Variants in ENTREP1 observed in about 807,000 individuals in gnomAD.
ENTREP1 encodes Friedreich ataxia region gene X123.
At chr9:69,324,851 G>C in the ENTREP1 span, 1 of 985,050 alleles carries the variant, frequency 1.0e-6, no homozygotes, top group Non-Finnish European at 1.2e-6. Flanking sequence ...TCTAGCCCCA[G>C]CTCGGCGGGT....
At chr9:69,336,170 G>A in the ENTREP1 span, 2 of 1,027,074 alleles carry the variant, frequency 1.9e-6, no homozygotes, top group East Asian at 5.1e-5. Context: ...TTGTTTATTG[G>A]AATTGGTCCA....
At chr9:69,365,711 A>G in the ENTREP1 span, among the ~76,000 whole-genome samples, 1 of 126,864 alleles carries the variant, frequency 7.9e-6, no homozygotes, top group Non-Finnish European at 1.7e-5. Flanking sequence ...TCTGGTTACT[A>G]TAATTCTACT....
chr9:69,353,170 C>T, the ENTREP1 span, among the ~76,000 whole-genome samples: 2 of 152,164 alleles, frequency 1.3e-5, no homozygotes, highest in African/African-American at 2.4e-5. Flanking sequence ...GATAACACTG[C>T]ACCGGGACTC....
At chr9:69,354,283 G>C in the ENTREP1 span, among the ~76,000 whole-genome samples, 2 of 111,200 alleles carry the variant, frequency 1.8e-5, no homozygotes, top group East Asian at 2.6e-4. Flanking sequence ...TTGAGACAGA[G>C]TCTTGCTCTG....
At chr9:69,385,610 T>C in the ENTREP1 span, among the ~76,000 whole-genome samples, 1 of 152,158 alleles carries the variant, frequency 6.6e-6, no homozygotes, top group Non-Finnish European at 1.5e-5. Context: ...GAAAGGCAAG[T>C]TTTCCTGTAG....
the ENTREP1 span, chr9:69,379,776 A>T: frequency 6.6e-6 from 1 of 152,228 alleles, no homozygotes; most frequent in Non-Finnish European, 1.5e-5. Flanking sequence ...CAGCAGACAG[A>T]TTTAGTTTCT....
At chr9:69,362,713 G>A in the ENTREP1 span, among the ~76,000 whole-genome samples, 55,872 of 151,950 alleles carry the variant, frequency 0.37, 10,522 homozygotes, top group Admixed American at 0.42. Context: ...GTCAGTGGGC[G>A]AGGAAAGGCA....
At chr9:69,327,299 G>A in the ENTREP1 span, among the ~76,000 whole-genome samples, 2 of 152,156 alleles carry the variant, frequency 1.3e-5, no homozygotes, top group Non-Finnish European at 2.9e-5. Flanking sequence ...AACTACAGAA[G>A]GATGGATATT....
At chr9:69,340,317 A>G in the ENTREP1 span, among the ~76,000 whole-genome samples, 3 of 152,266 alleles carry the variant, frequency 2.0e-5, no homozygotes, top group Admixed American at 1.3e-4. Flanking sequence ...TTCCCTTTTG[A>G]GAACCATTTA....
the ENTREP1 span, among the ~76,000 whole-genome samples, chr9:69,358,343 A>G: frequency 6.6e-6 from 1 of 152,202 alleles, no homozygotes; most frequent in African/African-American, 2.4e-5. Flanking sequence ...GAATATTAGT[A>G]AGAATATATG....
chr9:69,359,319 A>C, the ENTREP1 span, among the ~76,000 whole-genome samples: 1 of 152,132 alleles, frequency 6.6e-6, no homozygotes, highest in Non-Finnish European at 1.5e-5. Flanking sequence ...CATACTAAGA[A>C]CTTGAGGTGA....
chr9:69,355,662 G>A, the ENTREP1 span, among the ~76,000 whole-genome samples: 16 of 152,258 alleles, frequency 1.1e-4, no homozygotes, highest in East Asian at 1.9e-3. Flanking sequence ...TTTGTGAATC[G>A]ACAGGATTCC....
At chr9:69,346,108 G>A in the ENTREP1 span, among the ~76,000 whole-genome samples, 847 of 151,504 alleles carry the variant, frequency 5.6e-3, 4 homozygotes, top group Non-Finnish European at 7.2e-3. Flanking sequence ...TCAGCTTCCC[G>A]GGTAGCTGGG....
the ENTREP1 span, among the ~76,000 whole-genome samples, chr9:69,367,702 TAA>T: frequency 3.7e-4 from 42 of 113,764 alleles, no homozygotes; most frequent in African/African-American, 1.2e-3. Flanking sequence ...CACATATATA[TAA>T]ATATATATAT....
At chr9:69,352,280 G>A in the ENTREP1 span, among the ~76,000 whole-genome samples, 9 of 151,838 alleles carry the variant, frequency 5.9e-5, no homozygotes, top group African/African-American at 1.9e-4. Context: ...CACCACACCC[G>A]GCTGATTTTT....
the ENTREP1 span, among the ~76,000 whole-genome samples, chr9:69,365,560 T>C: frequency 6.6e-6 from 1 of 152,104 alleles, no homozygotes; most frequent in African/African-American, 2.4e-5. Flanking sequence ...AAATATGCAA[T>C]ATATTTTTGT....
the ENTREP1 span, among the ~76,000 whole-genome samples, chr9:69,341,368 A>G: frequency 2.0e-5 from 3 of 152,204 alleles, no homozygotes; most frequent in Non-Finnish European, 4.4e-5. Flanking sequence ...ACAAGGGTAA[A>G]TGTATTGGCT....
the ENTREP1 span, chr9:69,386,003 C>T: frequency 2.0e-6 from 3 of 1,508,164 alleles, no homozygotes; most frequent in South Asian, 1.4e-5. Flanking sequence ...CCTAAAGGAG[C>T]CAGGTGAAGG....
the ENTREP1 span, among the ~76,000 whole-genome samples, chr9:69,375,412 A>G: frequency 1.3e-5 from 2 of 152,248 alleles, no homozygotes; most frequent in Non-Finnish European, 2.9e-5. Flanking sequence ...CATGTACACG[A>G]GCAGAATGGA....
Sources: gnomAD v4.1 joint callset for allele counts (sites outside exome capture counted in the v4.1 genomes callset) on GRCh38, gnomAD v4.1.1 for gene constraint, MANE v1.5 for transcripts, NCBI Gene and HGNC (gene_info 2026-07-23, HGNC 2026-07-21) for gene names.